Variants in SOX6 observed in about 807,000 individuals in gnomAD.
SOX6 encodes the protein SRY-box transcription factor 6.
In SOX6, 11 loss-of-function variants were observed where a neutral mutation model predicts 97.8. The ratio of observed to expected loss-of-function variants is 0.11; its 90% CI spans 0.07 to 0.19. The LOEUF is 0.19. Ranked by LOEUF, SOX6 falls within the 10% of genes least tolerant of loss-of-function variation. The pLI is 1.00. For synonymous variants in SOX6, 360 were observed against 371.4 expected (o/e 0.97, Z 0.35); for missense variants, 810 against 1,039.5 (o/e 0.78, Z 3.04).
intron 10 of SOX6, 119 bp from the exon 11 acceptor site, chr11:16,050,057 A>G (rs1473610711): frequency 2.9e-6 from 3 of 1,043,146 alleles, no homozygotes; most frequent in South Asian, 1.3e-5. Flanking sequence ...TACAATAATA[A>G]CAAAAGAAGC....
At chr11:16,493,727 A>C (rs1158582112) in intron 4 of SOX6, among the ~76,000 whole-genome samples, 2 of 152,238 alleles carry the variant, frequency 1.3e-5, no homozygotes, top group East Asian at 3.8e-4. Context: ...AATGATAAAA[A>C]TACAAACTAA....
chr11:16,283,019 GTATATATATATA>G (rs10581082), intron 3 of SOX6, among the ~76,000 whole-genome samples: 1 of 133,166 alleles, frequency 7.5e-6, no homozygotes, highest in Non-Finnish European at 1.6e-5. Context: ...TGAGATGTGA[GTATATATATATA>G]TATATATATA....
intron 8 of SOX6, among the ~76,000 whole-genome samples, 161 bp downstream of exon 8, chr11:16,097,448 C>T (rs528481781): frequency 1.3e-5 from 2 of 151,822 alleles, no homozygotes; most frequent in African/African-American, 4.8e-5. Context: ...TGGCAGTTTT[C>T]TCTTCTATTT....
At chr11:16,413,829 A>G (rs1378146599) in intron 1 of SOX6, among the ~76,000 whole-genome samples, 1 of 151,958 alleles carries the variant, frequency 6.6e-6, no homozygotes, top group Admixed American at 6.6e-5. Flanking sequence ...CGAGTTCTAC[A>G]CTTTTAAATG....
chr11:16,327,518 A>ACTTT (rs1856138760), intron 2 of SOX6, among the ~76,000 whole-genome samples: 1 of 152,142 alleles, frequency 6.6e-6, no homozygotes, highest in Non-Finnish European at 1.5e-5. Context: ...CTTCTCACAA[A>ACTTT]GCTCCAGGAA....
chr11:16,723,098 G>A (rs1325116227), intron 2 of SOX6, among the ~76,000 whole-genome samples: 1 of 152,016 alleles, frequency 6.6e-6, no homozygotes, highest in African/African-American at 2.4e-5. Context: ...ATTATAGACT[G>A]GATAAAGAAA....
chr11:16,462,544 G>A (rs139889327), intron 1 of SOX6, among the ~76,000 whole-genome samples: 55 of 152,106 alleles, frequency 3.6e-4, no homozygotes, highest in African/African-American at 1.2e-3. Flanking sequence ...TTTTAAAGAT[G>A]GCATAAGGAA....
chr11:16,445,660 G>A (rs1409335278), intron 1 of SOX6, among the ~76,000 whole-genome samples: 3 of 151,938 alleles, frequency 2.0e-5, no homozygotes, highest in African/African-American at 7.3e-5. Flanking sequence ...TCCACCTTGT[G>A]TGAGTACCCT....
At chr11:16,200,834 G>T (rs900706276) in intron 4 of SOX6, among the ~76,000 whole-genome samples, 2 of 152,114 alleles carry the variant, frequency 1.3e-5, no homozygotes, top group South Asian at 4.1e-4. Flanking sequence ...GGCTGGGCGC[G>T]ATGGCTCCTG....
At chr11:16,643,094 T>C (rs1368993517) in intron 3 of SOX6, among the ~76,000 whole-genome samples, 6 of 152,188 alleles carry the variant, frequency 3.9e-5, no homozygotes, top group Non-Finnish European at 8.8e-5. Flanking sequence ...GGGGTTTTGG[T>C]GTGGATGTCC....
chr11:16,553,452 G>A (rs1847712304), intron 4 of SOX6, among the ~76,000 whole-genome samples: 2 of 152,214 alleles, frequency 1.3e-5, no homozygotes, highest in Non-Finnish European at 2.9e-5. Context: ...CCATGGAAAG[G>A]AGTGGTGACT....
At chr11:16,239,822 G>A (rs1853131869) in intron 3 of SOX6, among the ~76,000 whole-genome samples, 1 of 151,988 alleles carries the variant, frequency 6.6e-6, no homozygotes, top group Admixed American at 6.6e-5. Context: ...CCCTCTGGGA[G>A]TGGCCAATCT....
chr11:16,391,031 T>C (rs1345351375), intron 1 of SOX6, among the ~76,000 whole-genome samples: 5 of 152,232 alleles, frequency 3.3e-5, no homozygotes, highest in African/African-American at 7.2e-5. Flanking sequence ...GATGAATTCA[T>C]GTCCTTTGTA....
Position 16,097,703 on chromosome 11 carries a change from A to G in SOX6, c.899-15T>C, listed in dbSNP as rs761869094. 2 of 1,606,694 alleles carry G rather than the reference A, an allele frequency of 1.2e-6. No individual in the cohort carries two copies. Among genetic ancestry groups the G allele is most frequent in the Non-Finnish European group, 8.5e-7 (1 of 1,174,064 alleles). ...GTAGTTATCACCTGTCGGAAAGAAC[A>G]ATGCATACAGGTTTAGACAATGCAC... On this transcript the variant is annotated splice_polypyrimidine_tract_variant and intron_variant, in intron 7 of 15. Coordinates refer to ENST00000683767, the MANE Select transcript of SOX6 (RefSeq NM_001367873.1).
At chr11:16,513,558 G>A (rs1466051276) in intron 4 of SOX6, among the ~76,000 whole-genome samples, 5 of 152,162 alleles carry the variant, frequency 3.3e-5, no homozygotes, top group South Asian at 2.1e-4. Context: ...GCTTGAACCC[G>A]GGAGGCGGAG....
At chr11:15,988,932 A>T in intron 14 of SOX6, 65 bp downstream of exon 14, 1 of 1,487,036 alleles carries the variant, frequency 6.7e-7, no homozygotes. Flanking sequence ...CTTGCTTCCC[A>T]CCCTGGTGGC....
chr11:16,451,831 C>A (rs1262074395), intron 1 of SOX6, among the ~76,000 whole-genome samples: 1 of 151,756 alleles, frequency 6.6e-6, no homozygotes, highest in African/African-American at 2.4e-5. Flanking sequence ...CCCAGGAGTT[C>A]GGACCAGACC....
In SOX6 at chr11:16,061,681, T is replaced by G. The variant is rs1440760676; in HGVS notation, c.1102-5780A>C. On this transcript the variant is annotated intron_variant, in intron 9 of 15. Transcript: ENST00000683767. ...ATAGTAATCAAAACAGTATGGTACT[T>G]GTGTAAAAATAGACACGTAGATCAA... Among the ~76,000 whole-genome samples, 6 of 151,680 alleles carry G rather than the reference T, an allele frequency of 4.0e-5. No individual in the cohort carries two copies. In the East Asian group the frequency reaches 1.2e-3, roughly 29 times the overall value.
intron 1 of SOX6, chr11:16,408,953 A>G (rs1276505204): frequency 1.3e-5 from 2 of 152,200 alleles, no homozygotes; most frequent in African/African-American, 2.4e-5. Context: ...TGGGACCTGA[A>G]GGAGAAGTTC....
Sources: gnomAD v4.1 joint callset for allele counts (sites outside exome capture counted in the v4.1 genomes callset) on GRCh38, gnomAD v4.1.1 for gene constraint, MANE v1.5 for transcripts, NCBI Gene and HGNC (gene_info 2026-07-23, HGNC 2026-07-21) for gene names.